Variants in PRMT2 observed in about 807,000 individuals in gnomAD.
PRMT2 encodes the protein protein arginine methyltransferase 2.
PRMT2 carries 26 observed loss-of-function variants against 57.6 expected under a neutral mutation model. The ratio of observed to expected loss-of-function variants is 0.45; its 90% CI spans 0.33 to 0.63. The LOEUF (loss-of-function observed/expected upper bound fraction) is 0.63, where lower values mean the gene tolerates loss of function less well. Ranked by LOEUF, PRMT2 falls within the 20% of genes least tolerant of loss-of-function variation. The pLI is 0.02. For missense variants in PRMT2, 472 were observed against 564.4 expected, an observed-to-expected ratio of 0.84 and a Z score of 1.66; for synonymous variants, 219 against 220.0, an observed-to-expected ratio of 1.00 and a Z score of 0.04.
intron 5 of PRMT2, among the ~76,000 whole-genome samples, chr21:46,645,466 T>TA (rs900727588): frequency 4.6e-5 from 7 of 152,096 alleles, no homozygotes; most frequent in African/African-American, 1.7e-4. Flanking sequence ...ACTCTGTCCC[T>TA]AAAAAAATAA....
chr21:46,644,520 C>CCAGG, intron 5 of PRMT2, 32 bp downstream of exon 5: 1 of 1,550,946 alleles, frequency 6.4e-7, no homozygotes, highest in East Asian at 2.3e-5. Flanking sequence ...GTTCAGCTGG[C>CCAGG]CAGGCGGTGG....
At chr21:46,647,482 C>T (rs1353035246) in intron 5 of PRMT2, among the ~76,000 whole-genome samples, 1 of 151,994 alleles carries the variant, frequency 6.6e-6, no homozygotes, top group Non-Finnish European at 1.5e-5. Context: ...TGTTATGATT[C>T]TGTGTTATTT....
chr21:46,649,836 G>A lies in PRMT2; in HGVS notation c.654+97G>A, dbSNP rs1273205058. The A allele has an allele frequency of 2.0e-6, 3 of 1,534,972 alleles. No homozygotes were observed. The Admixed American group carries it at 6.0e-5, about 31-fold the overall frequency. ...CCTCAGGATCTCAAGGGTCGTGCGTGATTCATTTTGATGTTTTCCCTAATG... is the reference window on the plus strand; with the variant it reads ...CCTCAGGATCTCAAGGGTCGTGCGTAATTCATTTTGATGTTTTCCCTAATG... On this transcript the variant is annotated intron_variant, in intron 7 of 11. Coordinates refer to ENST00000355680, the MANE Select transcript of PRMT2 (RefSeq NM_206962.4). This position sits in a 1 kb window ranked among gnomAD's most constrained non-coding sequence, Gnocchi z 4.8.
chr21:46,658,699 G>A (rs2070436), intron 7 of PRMT2, 46 bp from the exon 8 acceptor site: 285,297 of 1,597,594 alleles, frequency 0.18, 27,913 homozygotes, highest in Admixed American at 0.29. Context: ...CTGTGCAGCC[G>A]CGGGGCCTGT....
intron 10 of PRMT2, among the ~76,000 whole-genome samples, chr21:46,662,980 C>A (rs1157656515): frequency 6.6e-6 from 1 of 152,102 alleles, no homozygotes; most frequent in Non-Finnish European, 1.5e-5. Context: ...GTCCTCCTGG[C>A]GGGCCGGGGA....
intron 3 of PRMT2, among the ~76,000 whole-genome samples, chr21:46,640,825 C>T (rs1287315678): frequency 6.6e-6 from 1 of 151,136 alleles, no homozygotes; most frequent in Non-Finnish European, 1.5e-5. Flanking sequence ...ATTTTTGCTG[C>T]TGTTTGACAT....
chr21:46,664,251 A>G (rs760274853), intron 11 of PRMT2, 44 bp from the exon 12 acceptor site: 23 of 1,481,464 alleles, frequency 1.6e-5, no homozygotes, highest in East Asian at 4.5e-5. Context: ...TGTTAATCAA[A>G]TGATTTATCA....
At chr21:46,639,645 A>G (rs2061235113) in intron 3 of PRMT2, among the ~76,000 whole-genome samples, 1 of 145,362 alleles carries the variant, frequency 6.9e-6, no homozygotes, top group African/African-American at 2.7e-5. Flanking sequence ...TAATGCTAAT[A>G]TAGCTGTACC....
Position 46,660,096 on chromosome 21 carries a change from TG to T in PRMT2, c.831-736del, listed in dbSNP as rs2061598162. 6 of 970,818 alleles carry T rather than the reference TG, an allele frequency of 6.2e-6. No individual in the cohort carries two copies. The South Asian group carries it at 2.9e-4, about 46-fold the overall frequency. 60.1% of individuals were successfully genotyped at this position (970,818 alleles called of 1,614,324 possible). On this transcript the variant is annotated intron_variant, in intron 8 of 11. Coordinates refer to ENST00000355680, the MANE Select transcript of PRMT2 (RefSeq NM_206962.4). ...TGTAATTTTTTATCAGAAAAATAAATGTGTAAATATAGTGGAATCTTTATTA... is the reference window on the plus strand; with the variant it reads ...TGTAATTTTTTATCAGAAAAATAAATTGTAAATATAGTGGAATCTTTATTA...
Position 46,661,827 on chromosome 21 carries a change from A to G in PRMT2, c.988A>G (p.Ile330Val). 2.0e-6 allele frequency: 3 copies of G among 1,491,074 alleles called. No individual in the cohort carries two copies. Among genetic ancestry groups the G allele is most frequent in the East Asian group, 5.3e-5 (2 of 38,090 alleles). 92.4% of individuals were successfully genotyped at this position (1,491,074 alleles called of 1,614,324 possible). A position where few individuals can be genotyped will look rare whatever the true frequency, so the allele number is the denominator to read the frequency against. ...CCTGAGGGGCGAGCTGCGCTTCGAC[A>G]TCAGGAAGGCGGGGACCCTGCACGG... ...ETLRGELRFD[I>V]RKAGTLHGFT... Residue 330 changes from isoleucine (I) to valine (V), a missense_variant, in exon 10 of 12, where the codon ATC (isoleucine) becomes GTC (valine). By Grantham distance (29) the Ile-to-Val change is conservative. Around this residue, in one of 2 missense-constraint regions of PRMT2, gnomAD observed 229 missense variants for 217.2 expected, o/e 1.05. Transcript: ENST00000355680.
chr21:46,660,518 T>C (rs917924977), intron 8 of PRMT2, among the ~76,000 whole-genome samples: 4 of 152,158 alleles, frequency 2.6e-5, no homozygotes, highest in African/African-American at 7.2e-5. Context: ...GGGGTGAGCG[T>C]TGGTTTCCGT....
At chr21:46,643,477 A>G (rs2061313660) in intron 3 of PRMT2, 58 bp from the exon 4 acceptor site, 1 of 588,762 alleles carries the variant, frequency 1.7e-6, no homozygotes. Flanking sequence ...AATATAGCCA[A>G]AAAAAAAAAA....
At chr21:46,664,143 C>G in intron 11 of PRMT2, 152 bp from the exon 12 acceptor site, 1 of 625,778 alleles carries the variant, frequency 1.6e-6, no homozygotes, top group Non-Finnish European at 2.8e-6. Context: ...TTGTGCTTTG[C>G]TTTGTGATAA....
At chr21:46,664,039 G>A (rs2149008278) in intron 11 of PRMT2, among the ~76,000 whole-genome samples, 2 of 152,302 alleles carry the variant, frequency 1.3e-5, no homozygotes, top group Middle Eastern at 6.8e-3. Flanking sequence ...CTGTCTCAGA[G>A]GCTGCTGAAA....
intron 5 of PRMT2, among the ~76,000 whole-genome samples, chr21:46,645,580 C>G (rs1033533082): frequency 6.6e-6 from 1 of 152,066 alleles, no homozygotes; most frequent in African/African-American, 2.4e-5. Flanking sequence ...CATTTTAAAA[C>G]TAGATGAAAA....
At position 46,659,566 on chromosome 21, in the gene PRMT2, T is replaced by C. The variant is rs1024540467; in HGVS notation, c.830+646T>C. 3.9e-5 allele frequency: 37 copies of C among 955,976 alleles called. No homozygotes were observed. In the African/African-American group the frequency reaches 6.2e-4, roughly 16 times the overall value. 59.2% of individuals were successfully genotyped at this position (955,976 alleles called of 1,614,324 possible). ...CCAATAAATATATGAAAAATTATAA[T>C]GTTGTTAGTAGTTAAAATGCGAATT... On this transcript the variant is annotated intron_variant, in intron 8 of 11. Coordinates refer to ENST00000355680, the MANE Select transcript of PRMT2 (RefSeq NM_206962.4).
At chr21:46,642,933 A>G (rs1419712560) in intron 3 of PRMT2, among the ~76,000 whole-genome samples, 2 of 152,160 alleles carry the variant, frequency 1.3e-5, no homozygotes, top group Admixed American at 6.5e-5. Context: ...CTGAGGCATC[A>G]GAATCACTTG....
Position 46,648,610 on chromosome 21 carries a change from G to T in PRMT2, c.480G>T (p.Arg160=), listed in dbSNP as rs776832430. ...GTCTCTTCTGTGCACACTATGCGCG[G>T]CCTAGAGCGGTGAGTGGGGTCTCGA... The part of the protein sequence containing the change: ...IISLFCAHYA[R]PRAVYAVEAS... Residue 160 remains arginine, a synonymous_variant, in exon 6 of 12, where the codon CGG becomes CGT. Coordinates refer to ENST00000355680, the MANE Select transcript of PRMT2 (RefSeq NM_206962.4). This position sits in a 1 kb window ranked among gnomAD's most constrained non-coding sequence, Gnocchi z 4.8. 1 of 1,612,656 alleles carries T rather than the reference G, an allele frequency of 6.2e-7. No homozygotes were observed. The highest frequency in any genetic ancestry group is 8.5e-7 in the Non-Finnish European group (1 of 1,178,814).
At chr21:46,647,347 C>A (rs184422613) in intron 5 of PRMT2, among the ~76,000 whole-genome samples, 1 of 152,092 alleles carries the variant, frequency 6.6e-6, no homozygotes, top group Non-Finnish European at 1.5e-5. Context: ...TTTTTTCCCA[C>A]GTACAACTTT....
Sources: gnomAD v4.1 joint callset for allele counts (sites outside exome capture counted in the v4.1 genomes callset) on GRCh38, gnomAD v4.1.1 for gene constraint, gnomAD v4.1.1 regional missense constraint, Gnocchi (gnomAD v3.1) non-coding constraint, MANE v1.5 for transcripts, NCBI Gene and HGNC (gene_info 2026-07-23, HGNC 2026-07-21) for gene names.